CTNNA3: variants seen among roughly 807,000 people sequenced by gnomAD.
The protein encoded by CTNNA3 is catenin alpha 3, also known as catenin alpha-3.
CTNNA3 carries 76 observed loss-of-function variants against 95.7 expected under a neutral mutation model. The observed-to-expected ratio is 0.79, with a 90% confidence interval of 0.66 to 0.96. The LOEUF is 0.96. CTNNA3 is among the 40% of genes least tolerant of loss of function. CTNNA3 has a pLI of 0.00. For synonymous variants in CTNNA3, 431 were observed against 374.4 expected (o/e 1.15, Z -1.74); for missense variants, 1,191 against 1,089.8 (o/e 1.09, Z -1.31).
chr10:67,449,232 A>T (rs1846874289), intron 5 of CTNNA3, among the ~76,000 whole-genome samples: 1 of 152,200 alleles, frequency 6.6e-6, no homozygotes, highest in South Asian at 2.1e-4. Flanking sequence ...GAAAGAATCA[A>T]TGTCATTAAA....
chr10:66,563,917 T>C (rs1021608622), intron 10 of CTNNA3, among the ~76,000 whole-genome samples: 3 of 152,118 alleles, frequency 2.0e-5, no homozygotes, highest in Admixed American at 6.5e-5. Flanking sequence ...CACTTTGAGT[T>C]ATCCCGCTTT....
At chr10:67,231,817 G>A (rs1190551388) in intron 5 of CTNNA3, among the ~76,000 whole-genome samples, 1 of 152,208 alleles carries the variant, frequency 6.6e-6, no homozygotes, top group African/African-American at 2.4e-5. Context: ...AGTGCTTAAA[G>A]GAGTTGATGG....
At chr10:65,940,582 G>C (rs1479434702) in intron 17 of CTNNA3, among the ~76,000 whole-genome samples, 1 of 152,192 alleles carries the variant, frequency 6.6e-6, no homozygotes, top group African/African-American at 2.4e-5. Flanking sequence ...CAGAAAGTAT[G>C]TGAGTTCATT....
intron 6 of CTNNA3, among the ~76,000 whole-genome samples, chr10:67,210,007 G>A (rs1275887847): frequency 6.6e-6 from 1 of 151,910 alleles, no homozygotes; most frequent in East Asian, 1.9e-4. Flanking sequence ...GAAAATATAA[G>A]TTAATAAAAA....
chr10:67,379,502 G>T (rs1843830884), intron 5 of CTNNA3, among the ~76,000 whole-genome samples: 1 of 152,142 alleles, frequency 6.6e-6, no homozygotes. Flanking sequence ...TGGGGAAAAT[G>T]GACTAAAAAT....
At chr10:66,332,128 G>C (rs2092338021) in intron 12 of CTNNA3, among the ~76,000 whole-genome samples, 1 of 152,006 alleles carries the variant, frequency 6.6e-6, no homozygotes, top group African/African-American at 2.4e-5. Context: ...TTGCCTATCA[G>C]CTTAAGGAGA....
chr10:66,513,960 A>T (rs1397979355), intron 11 of CTNNA3, among the ~76,000 whole-genome samples: 3 of 150,836 alleles, frequency 2.0e-5, no homozygotes, highest in African/African-American at 7.3e-5. Context: ...GTGTCGGGGG[A>T]TGTAGGCTGT....
intron 3 of CTNNA3, among the ~76,000 whole-genome samples, chr10:67,576,100 G>A (rs1489941907): frequency 2.0e-5 from 3 of 152,178 alleles, no homozygotes; most frequent in Non-Finnish European, 2.9e-5. Flanking sequence ...AGAAAAGATT[G>A]CATTGATATG....
intron 10 of CTNNA3, among the ~76,000 whole-genome samples, chr10:66,579,834 A>G (rs1843127285): frequency 6.6e-6 from 1 of 151,744 alleles, no homozygotes; most frequent in Non-Finnish European, 1.5e-5. Flanking sequence ...GTTTCCGATG[A>G]GAGATCCAGT....
intron 13 of CTNNA3, among the ~76,000 whole-genome samples, chr10:66,196,513 T>C (rs1463702056): frequency 6.6e-6 from 1 of 152,138 alleles, no homozygotes; most frequent in Non-Finnish European, 1.5e-5. Context: ...AGTAAAGGAA[T>C]GGAATTTATT....
chr10:66,502,811 T>C (rs1212242492), intron 11 of CTNNA3, among the ~76,000 whole-genome samples: 1 of 152,172 alleles, frequency 6.6e-6, no homozygotes, highest in Non-Finnish European at 1.5e-5. Context: ...TAGAGGGGGA[T>C]TCCTGGCAAC....
At chr10:67,150,053 G>A (rs912216589) in intron 7 of CTNNA3, among the ~76,000 whole-genome samples, 1 of 152,128 alleles carries the variant, frequency 6.6e-6, no homozygotes, top group African/African-American at 2.4e-5. Context: ...AAACCACTGA[G>A]TATAGAAAGG....
intron 1 of CTNNA3, among the ~76,000 whole-genome samples, chr10:67,715,831 T>C (rs1199407990): frequency 6.6e-6 from 1 of 152,232 alleles, no homozygotes; most frequent in Non-Finnish European, 1.5e-5. Flanking sequence ...CTGGGCTGTA[T>C]ATTGCAAACA....
chr10:66,922,513 C>T (rs1589428599), intron 7 of CTNNA3, among the ~76,000 whole-genome samples: 1 of 152,168 alleles, frequency 6.6e-6, no homozygotes, highest in South Asian at 2.1e-4. Context: ...GATTTCTCAA[C>T]TAGCCTCATG....
chr10:66,956,528 G>A (rs1309392284), intron 7 of CTNNA3, among the ~76,000 whole-genome samples: 1 of 152,106 alleles, frequency 6.6e-6, no homozygotes, highest in Non-Finnish European at 1.5e-5. Flanking sequence ...CCTTAGCAAG[G>A]AGGAGGCAAG....
chr10:65,998,340 T>A (rs777230582), intron 15 of CTNNA3, among the ~76,000 whole-genome samples: 16 of 152,204 alleles, frequency 1.1e-4, no homozygotes, highest in Non-Finnish European at 1.9e-4. Context: ...ACAACTGGAC[T>A]GAAATATGAT....
intron 16 of CTNNA3, among the ~76,000 whole-genome samples, chr10:65,977,662 G>C (rs551568358): frequency 6.6e-6 from 1 of 151,898 alleles, no homozygotes; most frequent in Non-Finnish European, 1.5e-5. Flanking sequence ...CGTACCTATA[G>C]TCCCAGCTAC....
intron 7 of CTNNA3, among the ~76,000 whole-genome samples, chr10:67,042,011 C>T (rs1265782951): frequency 2.6e-5 from 4 of 151,908 alleles, no homozygotes; most frequent in African/African-American, 4.8e-5. Flanking sequence ...CCTTAAAGTA[C>T]GTGTGAAGGG....
chr10:66,324,100 T>C (rs889114732), intron 12 of CTNNA3, among the ~76,000 whole-genome samples: 2 of 151,924 alleles, frequency 1.3e-5, no homozygotes, highest in African/African-American at 4.8e-5. Flanking sequence ...GGCAGGCAGA[T>C]CATGAGGTCA....
Sources: allele counts gnomAD v4.1 joint callset (sites outside exome capture counted in the v4.1 genomes callset), GRCh38; gene constraint gnomAD v4.1.1; transcripts MANE v1.5; gene names NCBI Gene and HGNC (gene_info 2026-07-23, HGNC 2026-07-21).